Variants in CALN1 observed in about 807,000 individuals in gnomAD.
CALN1 encodes the protein calcium-binding protein 8.
In CALN1, 17 loss-of-function variants were observed where a neutral mutation model predicts 30.6. The observed-to-expected ratio is 0.56, with a 90% CI of 0.38 to 0.83. The LOEUF (loss-of-function observed/expected upper bound fraction) is 0.83. Ranked by LOEUF, CALN1 falls within the 40% of genes least tolerant of loss-of-function variation. The pLI, the probability that CALN1 is intolerant of heterozygous loss-of-function variation, is 0.00. For synonymous variants in CALN1, 156 were observed against 131.4 expected, an observed-to-expected ratio of 1.19 and a Z score of -1.28; for missense variants, 291 against 354.9, an observed-to-expected ratio of 0.82 and a Z score of 1.45.
At chr7:72,005,860 C>G (rs1250422272) in intron 5 of CALN1, among the ~76,000 whole-genome samples, 1 of 152,048 alleles carries the variant, frequency 6.6e-6, no homozygotes, top group East Asian at 1.9e-4. Flanking sequence ...TGGAATTGTT[C>G]AATAGCTTGA....
At chr7:71,923,528 C>G (rs765808284) in intron 5 of CALN1, among the ~76,000 whole-genome samples, 42 of 152,266 alleles carry the variant, frequency 2.8e-4, no homozygotes, top group Non-Finnish European at 4.7e-4. Context: ...TATTCCAAAT[C>G]TTTCATTAAA....
chr7:72,376,868 A>G (rs1804591641), intron 2 of CALN1, among the ~76,000 whole-genome samples: 1 of 152,224 alleles, frequency 6.6e-6, no homozygotes, highest in East Asian at 1.9e-4. Flanking sequence ...TGTATATGTT[A>G]TGAAGTAGGT....
intron 3 of CALN1, among the ~76,000 whole-genome samples, chr7:72,219,709 C>A (rs984676580): frequency 6.6e-6 from 1 of 151,722 alleles, no homozygotes; most frequent in Non-Finnish European, 1.5e-5. Flanking sequence ...TGCACACACA[C>A]GCACGTGCAC....
At chr7:72,328,098 G>C (rs1028541048) in intron 2 of CALN1, among the ~76,000 whole-genome samples, 2 of 148,652 alleles carry the variant, frequency 1.3e-5, no homozygotes, top group African/African-American at 5.1e-5. Context: ...TTTCTGTATA[G>C]CTTTTAATTT....
intron 2 of CALN1, among the ~76,000 whole-genome samples, chr7:72,349,915 C>A (rs573595445): frequency 6.6e-6 from 1 of 152,248 alleles, no homozygotes; most frequent in South Asian, 2.1e-4. Context: ...GTTTCTCTTC[C>A]TTTGCAGATG....
chr7:72,301,850 C>G (rs1224067311), intron 2 of CALN1, among the ~76,000 whole-genome samples: 4 of 152,084 alleles, frequency 2.6e-5, no homozygotes, highest in Non-Finnish European at 5.9e-5. Context: ...CTTATCACAG[C>G]CCATCACATT....
chr7:72,435,465 T>C (rs949163422), intron 1 of CALN1, among the ~76,000 whole-genome samples: 4 of 152,142 alleles, frequency 2.6e-5, no homozygotes, highest in Non-Finnish European at 5.9e-5. Context: ...CAAGGCCCCA[T>C]TCATCCACGC....
chr7:71,840,957 G>GA (rs55849991), intron 5 of CALN1, among the ~76,000 whole-genome samples: 2,011 of 144,466 alleles, frequency 0.014, 22 homozygotes, highest in African/African-American at 0.032. Context: ...TTTTTCTTTG[G>GA]AAAAAAAAAA....
intron 3 of CALN1, among the ~76,000 whole-genome samples, chr7:72,256,681 A>G (rs1795936986): frequency 6.6e-6 from 1 of 151,690 alleles, no homozygotes; most frequent in African/African-American, 2.4e-5. Flanking sequence ...ATCATAGCTC[A>G]CTGCAGCCTC....
chr7:71,918,887 T>C (rs1187888508), intron 5 of CALN1, among the ~76,000 whole-genome samples: 2 of 152,226 alleles, frequency 1.3e-5, no homozygotes, highest in African/African-American at 2.4e-5. Flanking sequence ...GTTTTCCTAG[T>C]TCTACTTTCT....
At chr7:72,405,411 A>G (rs1261910332) in intron 1 of CALN1, among the ~76,000 whole-genome samples, 1 of 152,106 alleles carries the variant, frequency 6.6e-6, no homozygotes, top group Non-Finnish European at 1.5e-5. Flanking sequence ...GAAACTTAAC[A>G]ATTATGGTGG....
At chr7:72,453,003 G>C in the CALN1 span, among the ~76,000 whole-genome samples, 1 of 152,198 alleles carries the variant, frequency 6.6e-6, no homozygotes, top group Non-Finnish European at 1.5e-5. Context: ...AAGCAGCAGA[G>C]AGTTGGCTCA....
At chr7:72,100,902 T>C (rs983776728) in intron 4 of CALN1, among the ~76,000 whole-genome samples, 5 of 151,924 alleles carry the variant, frequency 3.3e-5, no homozygotes, top group African/African-American at 7.3e-5. Flanking sequence ...CCAACCTATG[T>C]GTAAAGAAGT....
chr7:72,058,413 G>GT (rs1428678072), intron 4 of CALN1, among the ~76,000 whole-genome samples: 1 of 143,142 alleles, frequency 7.0e-6, no homozygotes, highest in Non-Finnish European at 1.5e-5. Flanking sequence ...CACCTCCCGG[G>GT]TTCAAGAGAT....
chr7:72,160,441 G>A (rs1176682985), intron 3 of CALN1, among the ~76,000 whole-genome samples: 1 of 151,946 alleles, frequency 6.6e-6, no homozygotes, highest in East Asian at 1.9e-4. Flanking sequence ...ACCATGCCCA[G>A]CTAACTTTTG....
At chr7:72,422,415 CT>C (rs1236887628) in intron 1 of CALN1, among the ~76,000 whole-genome samples, 3 of 152,198 alleles carry the variant, frequency 2.0e-5, no homozygotes, top group Admixed American at 2.0e-4. Flanking sequence ...ACAAGCCCCC[CT>C]GGCTGTTTAT....
intron 3 of CALN1, 56 bp from the exon 4 acceptor site, chr7:72,106,350 G>A (rs1187486977): frequency 1.2e-6 from 2 of 1,601,984 alleles, no homozygotes; most frequent in East Asian, 2.2e-5. Context: ...TTATTGCACT[G>A]CAGTTATTGG....
intron 5 of CALN1, among the ~76,000 whole-genome samples, chr7:71,871,188 T>C (rs552208835): frequency 6.6e-6 from 1 of 152,256 alleles, no homozygotes; most frequent in South Asian, 2.1e-4. Flanking sequence ...TAAATACAGC[T>C]TTATTTATTC....
intron 1 of CALN1, among the ~76,000 whole-genome samples, chr7:72,426,226 C>G (rs1807795944): frequency 6.6e-6 from 1 of 152,248 alleles, no homozygotes; most frequent in Admixed American, 6.5e-5. Flanking sequence ...CCCAAGGCGG[C>G]TGGCCCATCT....
Sources: allele counts gnomAD v4.1 joint callset (sites outside exome capture counted in the v4.1 genomes callset), GRCh38; gene constraint gnomAD v4.1.1; transcripts MANE v1.5; gene names NCBI Gene and HGNC (gene_info 2026-07-23, HGNC 2026-07-21).